ZNF592: variants seen among roughly 807,000 people sequenced by gnomAD.
ZNF592 encodes the protein zinc finger protein 592.
In ZNF592, 11 loss-of-function variants were observed where a neutral mutation model predicts 80.3. The ratio of observed to expected loss-of-function variants is 0.14; its 90% CI spans 0.09 to 0.23. The LOEUF is 0.23. Among genes scored for constraint, ZNF592 ranks in the 10% least tolerant of loss-of-function variants. The pLI is 1.00. For missense variants in ZNF592, 1,420 were observed against 1,633.9 expected, an observed-to-expected ratio of 0.87 and a Z score of 2.26; for synonymous variants, 646 against 640.3, an observed-to-expected ratio of 1.01 and a Z score of -0.13.
rs371999389 is a variant in ZNF592 at position 84,784,195 on chromosome 15, A to G, written c.1520A>G (p.Asn507Ser). Residue 507 changes from asparagine (N) to serine (S), a missense_variant, in exon 4 of 11, where the codon AAC becomes AGC. Asn to Ser is a conservative substitution (Grantham distance 46). Transcript: ENST00000560079. The surrounding 1 kb of genome is among the most constrained non-coding windows in gnomAD (Gnocchi z 5.8). ...CTGCCCAAAGCCGTGCACTTGGCCA[A>G]CCTGAACCTCGTCCCCCACAGTGTT... ...NLLPKAVHLA[N>S]LNLVPHSVAA... is the part of the protein sequence containing the mutation. 2.4e-5 allele frequency: 39 copies of G among 1,614,078 alleles called. No individual in the cohort carries two copies. Among genetic ancestry groups the G allele is most frequent in the East Asian group, 8.9e-5 (4 of 44,886 alleles).
intron 4 of ZNF592, among the ~76,000 whole-genome samples, chr15:84,789,452 A>T (rs1962680635): frequency 6.6e-6 from 1 of 152,188 alleles, no homozygotes; most frequent in Non-Finnish European, 1.5e-5. Context: ...ACACACCCAG[A>T]AGTGGCATTG....
rs1963126807 is a variant in ZNF592, at chr15:84,802,424, G to C, written c.*31G>C. The C allele has an allele frequency of 6.2e-7, 1 of 1,611,900 alleles. No individual in the cohort carries two copies. The highest frequency in any genetic ancestry group is 1.1e-5 in the South Asian group (1 of 90,916). On this transcript the variant is annotated 3_prime_UTR_variant, in exon 11 of 11. Coordinates refer to ENST00000560079, the MANE Select transcript of ZNF592 (RefSeq NM_014630.3). Reference sequence around the variant, plus strand: ...GACTTTGCAGTGTGCATGGTCAGGGGTGGTGCCGAAGTGTCTTCCACCTGC... The same window carrying C: ...GACTTTGCAGTGTGCATGGTCAGGGCTGGTGCCGAAGTGTCTTCCACCTGC...
intron 1 of ZNF592, chr15:84,753,039 A>T (rs1899057062): frequency 6.6e-6 from 1 of 152,146 alleles, no homozygotes; most frequent in African/African-American, 2.4e-5. Context: ...ATGAAAACGA[A>T]CCCTTTCTGT....
chr15:84,794,840 T>G (rs939082727), intron 5 of ZNF592, among the ~76,000 whole-genome samples: 2 of 152,226 alleles, frequency 1.3e-5, no homozygotes, highest in African/African-American at 4.8e-5. Context: ...AATTGGGTTA[T>G]TTGACATCTT....
In ZNF592 at chr15:84,798,672, C is replaced by A. The variant is rs770317541; in HGVS notation, c.2821C>A (p.Arg941=). ...ADTSSSRPGS[R]VPTEPPATSV... is the part of the protein sequence containing the mutation. ...CACATCCTCAAGCCGCCCTGGCTCT[C>A]GAGTTCCCACTGAGCCACCAGCCAC... Residue 941 remains arginine (R), a synonymous_variant, in exon 8 of 11, where the codon CGA becomes AGA. Coordinates refer to ENST00000560079, the MANE Select transcript of ZNF592 (RefSeq NM_014630.3). This position sits in a 1 kb window ranked among gnomAD's most constrained non-coding sequence, Gnocchi z 4.5. 3 of 1,613,764 alleles carry A rather than the reference C, an allele frequency of 1.9e-6. No individual in the cohort carries two copies. The South Asian group carries it at 3.3e-5, about 18-fold the overall frequency.
intron 5 of ZNF592, among the ~76,000 whole-genome samples, chr15:84,796,292 TATAAA>T (rs1962918411): frequency 2.0e-5 from 1 of 49,750 alleles, no homozygotes; most frequent in African/African-American, 1.1e-4. Flanking sequence ...TATATATATA[TATAAA>T]AAAACGAAGG....
At chr15:84,771,735 AT>A (rs938384703) in intron 2 of ZNF592, among the ~76,000 whole-genome samples, 4 of 151,810 alleles carry the variant, frequency 2.6e-5, no homozygotes, top group African/African-American at 4.8e-5. Flanking sequence ...TCTTTGGGCC[AT>A]TTTTTTTGCC....
Position 84,764,768 on chromosome 15 carries a change from C to T in ZNF592, c.-197C>T. On this transcript the variant is annotated 5_prime_UTR_variant, in exon 2 of 11. Transcript: ENST00000560079. Reference sequence around the variant, plus strand: ...AGTTTTTCCTTTCTCCGCAGCTCTGCTCCCCTAGCAACGCTCGCCACACCC... The same window carrying T: ...AGTTTTTCCTTTCTCCGCAGCTCTGTTCCCCTAGCAACGCTCGCCACACCC... 1 of 398,998 alleles carries T rather than the reference C, an allele frequency of 2.5e-6. No homozygotes were observed. 24.7% of individuals were successfully genotyped at this position (398,998 alleles called of 1,614,324 possible).
chr15:84,782,318 C>G (rs1261935758), intron 3 of ZNF592, among the ~76,000 whole-genome samples: 3 of 152,028 alleles, frequency 2.0e-5, no homozygotes, highest in Non-Finnish European at 4.4e-5. Flanking sequence ...TGCACATGAT[C>G]GTGGAGGGAT....
chr15:84,754,724 GA>G (rs1899116163), intron 1 of ZNF592, among the ~76,000 whole-genome samples: 1 of 150,816 alleles, frequency 6.6e-6, no homozygotes, highest in Non-Finnish European at 1.5e-5. Flanking sequence ...AAAAAAAAGA[GA>G]GGTAATGGTG....
Position 84,799,873 on chromosome 15 carries a change from C to T in ZNF592, c.3169C>T (p.Arg1057Trp), listed in dbSNP as rs138196495. The T allele has an allele frequency of 1.1e-5, 18 of 1,614,148 alleles. No homozygotes were observed. Among genetic ancestry groups the T allele is most frequent in the African/African-American group, 1.1e-4 (8 of 75,054 alleles). ...CACAGAGGACAGCCCCAGCTTTCCT[C>T]GGCCCTCCCTTCTGGAGAGCCACAT... ...YCTEDSPSFPRPSLLESHISL... is the reference protein window; with the variant it reads ...YCTEDSPSFPWPSLLESHISL... Residue 1057 changes from arginine to tryptophan, a missense_variant, in exon 10 of 11, where the codon CGG becomes TGG. Physicochemically the swap from Arg to Trp is moderately radical, Grantham distance 101. Around this residue, in one of 7 missense-constraint regions of ZNF592, gnomAD observed 331 missense variants for 347.0 expected, o/e 0.95. Transcript: ENST00000560079. This position sits in a 1 kb window ranked among gnomAD's most constrained non-coding sequence, Gnocchi z 4.2.
At chr15:84,796,998 CTG>C (rs1268651762) in intron 5 of ZNF592, among the ~76,000 whole-genome samples, 1 of 152,202 alleles carries the variant, frequency 6.6e-6, no homozygotes, top group Admixed American at 6.5e-5. Context: ...GGTTCTCACT[CTG>C]TCACCCAGGC....
Position 84,802,212 on chromosome 15 carries a change from A to T in ZNF592, c.3623A>T (p.Glu1208Val), listed in dbSNP as rs1182266605. The T allele has an allele frequency of 1.3e-6, 2 of 1,599,764 alleles. No individual in the cohort carries two copies. Among genetic ancestry groups the T allele is most frequent in the Admixed American group, 1.7e-5 (1 of 59,374 alleles). Residue 1208 changes from glutamate to valine, a missense_variant, in exon 11 of 11, where the codon GAG (glutamate) becomes GTG (valine). Transcript: ENST00000560079. ...VAEPEEGSGE[E>V]VPMETRENGL... Reference sequence around the variant, plus strand: ...GAGCCAGAGGAGGGCTCCGGGGAGGAGGTGCCCATGGAGACTAGAGAGAAT... The same window carrying T: ...GAGCCAGAGGAGGGCTCCGGGGAGGTGGTGCCCATGGAGACTAGAGAGAAT...
chr15:84,799,284 C>A lies in ZNF592; in HGVS notation c.3137+74C>A. The A allele has an allele frequency of 1.4e-6, 2 of 1,406,994 alleles. No homozygotes were observed. The highest frequency in any genetic ancestry group is 2.0e-6 in the Non-Finnish European group (2 of 991,834). The allele number at this position is 1,406,994 out of a possible 1,614,324, so 87.2% of individuals were successfully genotyped here. A position where few individuals can be genotyped will look rare whatever the true frequency, so the allele number is the denominator to read the frequency against. On this transcript the variant is annotated intron_variant, in intron 9 of 10. Transcript: ENST00000560079. The surrounding 1 kb of genome is among the most constrained non-coding windows in gnomAD (Gnocchi z 4.2). The stretch of plus-strand genomic sequence containing the variant: ...TGTCCGTGGCACCACTGGGGCTTTT[C>A]TGTGCTGCAAGATCAGGTGTCTAAG...
chr15:84,753,292 G>C (rs918265519), intron 1 of ZNF592: 1 of 152,148 alleles, frequency 6.6e-6, no homozygotes, highest in East Asian at 1.9e-4. Flanking sequence ...CAGATGCGTC[G>C]GAAGTTGTTC....
chr15:84,763,744 G>A (rs1224552095), intron 1 of ZNF592, among the ~76,000 whole-genome samples: 1 of 152,186 alleles, frequency 6.6e-6, no homozygotes, highest in Non-Finnish European at 1.5e-5. Flanking sequence ...GGACAAAAAT[G>A]AAGTCAAGCG....
At chr15:84,757,374 C>G (rs1029001477) in intron 1 of ZNF592, among the ~76,000 whole-genome samples, 1 of 141,596 alleles carries the variant, frequency 7.1e-6, no homozygotes, top group Non-Finnish European at 1.5e-5. Context: ...GGGTCCAGCA[C>G]TGTTACCCAG....
chr15:84,801,958 T>A lies in ZNF592; in HGVS notation c.3369T>A (p.Leu1123=). 1 of 1,613,966 alleles carries A rather than the reference T, an allele frequency of 6.2e-7. No homozygotes were observed. The highest frequency in any genetic ancestry group is 8.5e-7 in the Non-Finnish European group (1 of 1,179,868). Residue 1123 remains leucine (L), a synonymous_variant, in exon 11 of 11, where the codon CTT becomes CTA. Coordinates refer to ENST00000560079, the MANE Select transcript of ZNF592 (RefSeq NM_014630.3). ...CTTCCACCAAAAGGCACAAGTCCCTTTTTCAGTGCGCGAAATGTAGTTTTG... is the reference window on the plus strand; with the variant it reads ...CTTCCACCAAAAGGCACAAGTCCCTATTTCAGTGCGCGAAATGTAGTTTTG... ...TVSSTKRHKS[L]FQCAKCSFAT... is the part of the protein sequence containing the mutation.
At chr15:84,774,113 C>T (rs1003889112) in intron 2 of ZNF592, among the ~76,000 whole-genome samples, 1 of 152,228 alleles carries the variant, frequency 6.6e-6, no homozygotes, top group African/African-American at 2.4e-5. Flanking sequence ...TGTTCCTTCA[C>T]ATTTGCCTTC....
Sources: allele counts gnomAD v4.1 joint callset (sites outside exome capture counted in the v4.1 genomes callset), GRCh38; gene constraint gnomAD v4.1.1; regional missense constraint gnomAD v4.1.1; non-coding constraint Gnocchi (gnomAD v3.1); transcripts MANE v1.5; gene names NCBI Gene and HGNC (gene_info 2026-07-23, HGNC 2026-07-21).